GPR83: variants seen among roughly 807,000 people sequenced by gnomAD.
The protein encoded by GPR83 is G-protein coupled receptor 72.
In GPR83, 23 loss-of-function variants were observed where a neutral mutation model predicts 28.0. The observed-to-expected ratio is 0.82, with a 90% CI of 0.59 to 1.16. The LOEUF is 1.16. GPR83 is among the 50% of genes most tolerant of loss of function. GPR83 has a pLI of 0.00. For missense variants in GPR83, 610 were observed against 536.6 expected, an observed-to-expected ratio of 1.14 and a Z score of -1.35; for synonymous variants, 234 against 215.4, an observed-to-expected ratio of 1.09 and a Z score of -0.76.
intron 3 of GPR83, among the ~76,000 whole-genome samples, chr11:94,389,567 A>G (rs1272955940): frequency 6.6e-6 from 1 of 152,252 alleles, no homozygotes; most frequent in African/African-American, 2.4e-5. Flanking sequence ...ACACATGAAA[A>G]AATGCTCATT....
rs551668349 is a variant in GPR83, at chr11:94,380,492, C to A, written c.929G>T (p.Cys310Phe). 1 of 1,614,160 alleles carries A rather than the reference C, an allele frequency of 6.2e-7. No individual in the cohort carries two copies. Among genetic ancestry groups the A allele is most frequent in the Non-Finnish European group, 8.5e-7 (1 of 1,180,006 alleles). Residue 310 changes from cysteine (C) to phenylalanine (F), a missense_variant, in exon 4 of 4, where the codon TGC becomes TTC. Coordinates refer to ENST00000243673, the MANE Select transcript of GPR83 (RefSeq NM_016540.4). ...CTTGCTGGACAGGAGGAGGACGTAG[C>A]AGTTGAGGGGGAACCAGCAGAGGGC... The part of the protein sequence containing the change: ...LFALCWFPLN[C>F]YVLLLSSKVI...
chr11:94,398,455 C>CA (rs1280550459), intron 1 of GPR83, among the ~76,000 whole-genome samples: 1 of 152,144 alleles, frequency 6.6e-6, no homozygotes, highest in Non-Finnish European at 1.5e-5. Flanking sequence ...CTCCCTGGTC[C>CA]CTCTGTCTGC....
chr11:94,381,866 C>A (rs1424704984), intron 3 of GPR83, among the ~76,000 whole-genome samples: 1 of 152,176 alleles, frequency 6.6e-6, no homozygotes, highest in Non-Finnish European at 1.5e-5. Context: ...TCTGCATTTT[C>A]AGTCTGCCCC....
rs145586939 is a variant in GPR83 at position 94,401,236 on chromosome 11, G to T, written c.12C>A (p.His4Gln). 1.9e-6 allele frequency: 3 copies of T among 1,601,044 alleles called. No individual in the cohort carries two copies. The African/African-American group carries it at 4.0e-5, about 22-fold the overall frequency. The change falls in exon 1 of 4, where the codon CAC becomes CAA. Residue 4 changes from histidine (H) to glutamine (Q), a missense_variant. Transcript: ENST00000243673. MVP[H>Q]LLLLCLLPLV... The stretch of plus-strand genomic sequence containing the variant: ...AGGGGAGGAGACAGAGCAGCAAGAG[G>T]TGAGGGACCATTTTGCAGGAGCCAC...
chr11:94,400,803 T>C (rs1362894908), intron 1 of GPR83, 58 bp downstream of exon 1: 4 of 1,548,258 alleles, frequency 2.6e-6, no homozygotes, highest in Middle Eastern at 1.8e-4. Context: ...GCCAGAGAAC[T>C]GAGAGAGGAA....
At chr11:94,390,033 A>C (rs1183416798) in intron 3 of GPR83, among the ~76,000 whole-genome samples, 3 of 152,190 alleles carry the variant, frequency 2.0e-5, no homozygotes, top group African/African-American at 7.2e-5. Context: ...ACATGGATTA[A>C]GCTTGAAACC....
chr11:94,381,646 G>A (rs1431541131), intron 3 of GPR83, among the ~76,000 whole-genome samples: 1 of 151,850 alleles, frequency 6.6e-6, no homozygotes, highest in Non-Finnish European at 1.5e-5. Flanking sequence ...CCTGCAGTCT[G>A]GAGAACCAAC....
intron 3 of GPR83, among the ~76,000 whole-genome samples, chr11:94,392,319 G>T (rs1036431618): frequency 6.6e-6 from 1 of 151,956 alleles, no homozygotes; most frequent in South Asian, 2.1e-4. Context: ...ACTGGGTCCT[G>T]TCAGGAGGTG....
intron 3 of GPR83, among the ~76,000 whole-genome samples, chr11:94,382,073 C>T (rs574971781): frequency 6.6e-6 from 1 of 152,272 alleles, no homozygotes; most frequent in South Asian, 2.1e-4. Context: ...ACAAATGAGG[C>T]CCAGCACGGT....
At chr11:94,395,587 A>G (rs16920267) in intron 2 of GPR83, among the ~76,000 whole-genome samples, 5,070 of 152,302 alleles carry the variant, frequency 0.033, 310 homozygotes, top group African/African-American at 0.12. Flanking sequence ...GTCTAAGCGT[A>G]CAACGTGAGT....
chr11:94,395,827 C>T (rs1256334393), intron 2 of GPR83, among the ~76,000 whole-genome samples: 3 of 152,250 alleles, frequency 2.0e-5, no homozygotes, highest in Non-Finnish European at 4.4e-5. Context: ...TCATCTCTCA[C>T]TCATCTCTGA....
At chr11:94,382,409 G>T (rs1944702400) in intron 3 of GPR83, among the ~76,000 whole-genome samples, 1 of 144,908 alleles carries the variant, frequency 6.9e-6, no homozygotes, top group Non-Finnish European at 1.5e-5. Context: ...CAGACTTTAA[G>T]CCAACAAATA....
At chr11:94,386,182 A>G (rs1944753410) in intron 3 of GPR83, among the ~76,000 whole-genome samples, 1 of 152,212 alleles carries the variant, frequency 6.6e-6, no homozygotes, top group African/African-American at 2.4e-5. Flanking sequence ...CTGCCCTACA[A>G]GAGCTCCTGA....
intron 3 of GPR83, among the ~76,000 whole-genome samples, chr11:94,384,669 C>G (rs537687575): frequency 6.6e-6 from 1 of 152,218 alleles, no homozygotes; most frequent in Non-Finnish European, 1.5e-5. Context: ...TCCGCCATTG[C>G]TGAGGCTTGA....
chr11:94,393,072 G>A (rs118045039), intron 3 of GPR83, among the ~76,000 whole-genome samples: 5,128 of 152,310 alleles, frequency 0.034, 124 homozygotes, highest in Non-Finnish European at 0.053. Flanking sequence ...CATGGTAGGT[G>A]GGGGAGGTAG....
At chr11:94,387,232 T>C (rs961070124) in intron 3 of GPR83, among the ~76,000 whole-genome samples, 11 of 152,088 alleles carry the variant, frequency 7.2e-5, no homozygotes, top group Non-Finnish European at 1.3e-4. Context: ...CCAGGAAAGA[T>C]CTAAAATTGA....
rs1233488118 is a variant in GPR83, at chr11:94,378,946, G to A, written c.*1203C>T. 1 of 152,198 alleles carries A rather than the reference G, an allele frequency of 6.6e-6. No individual in the cohort carries two copies. Among genetic ancestry groups the A allele is most frequent in the Non-Finnish European group, 1.5e-5 (1 of 68,084 alleles). 9.4% of individuals were successfully genotyped at this position (152,198 alleles called of 1,614,324 possible). On this transcript the variant is annotated 3_prime_UTR_variant, in exon 4 of 4. Transcript: ENST00000243673. Reference sequence around the variant, plus strand: ...TTCCCACCACTGTCTACAATAGGGGGCAGTTCTGTCTGCGTGGTGACAGGC... The same window carrying A: ...TTCCCACCACTGTCTACAATAGGGGACAGTTCTGTCTGCGTGGTGACAGGC...
chr11:94,386,076 A>G (rs975253007), intron 3 of GPR83, among the ~76,000 whole-genome samples: 32 of 152,272 alleles, frequency 2.1e-4, no homozygotes, highest in African/African-American at 5.1e-4. Context: ...TTTCAACCCA[A>G]AATTTCATAT....
intron 3 of GPR83, among the ~76,000 whole-genome samples, chr11:94,392,042 T>C (rs576107213): frequency 2.6e-5 from 4 of 152,152 alleles, no homozygotes; most frequent in Non-Finnish European, 5.9e-5. Context: ...ATTGCGGCAC[T>C]ATTCACAATA....
Sources: gnomAD v4.1 joint callset for allele counts (sites outside exome capture counted in the v4.1 genomes callset) on GRCh38, gnomAD v4.1.1 for gene constraint, MANE v1.5 for transcripts, NCBI Gene and HGNC (gene_info 2026-07-23, HGNC 2026-07-21) for gene names.